The following QTMAN variants were observed in gnomAD, a reference collection of about 807,000 sequenced individuals.
QTMAN encodes the protein queuosine-tRNA mannosyltransferase.
chr2:144,290,978 G>C, the QTMAN span, among the ~76,000 whole-genome samples: 12 of 152,228 alleles, frequency 7.9e-5, no homozygotes, highest in East Asian at 2.1e-3. Context: ...TCAAGGTGTC[G>C]GCAGGGTTGA....
the QTMAN span, among the ~76,000 whole-genome samples, chr2:143,969,432 C>G: frequency 4.2e-4 from 64 of 152,304 alleles, no homozygotes; most frequent in Non-Finnish European, 8.5e-4. Flanking sequence ...ATTCACTGAG[C>G]TCCATCATTG....
the QTMAN span, among the ~76,000 whole-genome samples, chr2:144,284,931 A>C: frequency 1.3e-5 from 2 of 148,716 alleles, no homozygotes; most frequent in Non-Finnish European, 3.0e-5. Flanking sequence ...TGGGAGGCCA[A>C]ACTTTTTTTT....
chr2:144,228,701 G>A, the QTMAN span, among the ~76,000 whole-genome samples: 12 of 152,204 alleles, frequency 7.9e-5, no homozygotes, highest in Admixed American at 7.9e-4. Context: ...GCTCATGCCT[G>A]CAATCCCAGC....
the QTMAN span, among the ~76,000 whole-genome samples, chr2:144,316,787 C>A: frequency 1.3e-5 from 2 of 152,106 alleles, no homozygotes; most frequent in Non-Finnish European, 2.9e-5. Flanking sequence ...TGTATGCTGG[C>A]CTTTCAGATT....
chr2:144,133,589 A>AAT, the QTMAN span, among the ~76,000 whole-genome samples: 322 of 128,832 alleles, frequency 2.5e-3, 3 homozygotes, highest in African/African-American at 7.7e-3. Flanking sequence ...TATAAATACA[A>AAT]ATATATATAT....
At chr2:144,045,617 G>A in the QTMAN span, among the ~76,000 whole-genome samples, 1 of 152,284 alleles carries the variant, frequency 6.6e-6, no homozygotes, top group Admixed American at 6.5e-5. Flanking sequence ...TGAGAGAGGA[G>A]GCAGGCAGGG....
At chr2:144,033,904 G>A in the QTMAN span, among the ~76,000 whole-genome samples, 6 of 152,146 alleles carry the variant, frequency 3.9e-5, no homozygotes, top group Non-Finnish European at 7.4e-5. Context: ...GATCAAATAC[G>A]TATTTCGTAT....
At chr2:144,162,770 A>C in the QTMAN span, among the ~76,000 whole-genome samples, 1 of 152,116 alleles carries the variant, frequency 6.6e-6, no homozygotes, top group Non-Finnish European at 1.5e-5. Flanking sequence ...GATGGATAAA[A>C]CTATAAGTCA....
the QTMAN span, among the ~76,000 whole-genome samples, chr2:144,105,647 C>A: frequency 1.3e-5 from 2 of 152,156 alleles, no homozygotes; most frequent in South Asian, 4.1e-4. Flanking sequence ...CTGGAAGTGA[C>A]AGGGAGAATG....
At chr2:144,053,149 G>A in the QTMAN span, among the ~76,000 whole-genome samples, 7 of 152,076 alleles carry the variant, frequency 4.6e-5, no homozygotes, top group African/African-American at 1.7e-4. Flanking sequence ...ATTTTAAAAA[G>A]AAATGAAATA....
chr2:144,045,095 A>G, the QTMAN span, among the ~76,000 whole-genome samples: 11 of 152,346 alleles, frequency 7.2e-5, 1 homozygote, highest in South Asian at 2.3e-3. Flanking sequence ...GCTTACTGCT[A>G]AAGAGGGGCA....
chr2:143,981,333 C>A, the QTMAN span, among the ~76,000 whole-genome samples: 1 of 151,638 alleles, frequency 6.6e-6, no homozygotes, highest in Non-Finnish European at 1.5e-5. Flanking sequence ...ACATGAAGAA[C>A]CATGTTTTTT....
chr2:144,246,708 G>C, the QTMAN span, among the ~76,000 whole-genome samples: 4 of 151,592 alleles, frequency 2.6e-5, no homozygotes. Context: ...CATGGACATA[G>C]ATGCCTTCAT....
the QTMAN span, among the ~76,000 whole-genome samples, chr2:144,195,774 GCTTC>G: frequency 6.6e-6 from 1 of 152,150 alleles, no homozygotes; most frequent in African/African-American, 2.4e-5. Flanking sequence ...CTTAACCTCT[GCTTC>G]TCTTTCAAAA....
chr2:144,118,124 G>C, the QTMAN span, among the ~76,000 whole-genome samples: 1 of 152,180 alleles, frequency 6.6e-6, no homozygotes, highest in African/African-American at 2.4e-5. Context: ...GGGATTACAA[G>C]CATGAGCCAC....
chr2:144,278,378 T>C, the QTMAN span, among the ~76,000 whole-genome samples: 1 of 152,088 alleles, frequency 6.6e-6, no homozygotes, highest in African/African-American at 2.4e-5. Context: ...ATACTCAACA[T>C]ATATTAGGGA....
At chr2:143,982,157 T>C in the QTMAN span, among the ~76,000 whole-genome samples, 2 of 152,188 alleles carry the variant, frequency 1.3e-5, no homozygotes, top group African/African-American at 4.8e-5. Context: ...AGAAGCCTCA[T>C]GAAACAAAGT....
At chr2:144,311,063 T>A in the QTMAN span, among the ~76,000 whole-genome samples, 1 of 152,362 alleles carries the variant, frequency 6.6e-6, no homozygotes, top group East Asian at 1.9e-4. Flanking sequence ...CATACAAGTC[T>A]GCTAGGCACT....
At chr2:143,963,343 T>A in the QTMAN span, among the ~76,000 whole-genome samples, 1 of 152,182 alleles carries the variant, frequency 6.6e-6, no homozygotes, top group Non-Finnish European at 1.5e-5. Context: ...TTTATTTTAT[T>A]CAATTAACTG....
Sources: gnomAD v4.1 joint callset for allele counts (sites outside exome capture counted in the v4.1 genomes callset) on GRCh38, gnomAD v4.1.1 for gene constraint, MANE v1.5 for transcripts, NCBI Gene and HGNC (gene_info 2026-07-23, HGNC 2026-07-21) for gene names.